Variants in TPCN2 observed in about 807,000 individuals in gnomAD.
TPCN2 encodes two pore segment channel 2.
TPCN2 carries 92 observed loss-of-function variants against 111.4 expected under a neutral mutation model. The ratio of observed to expected loss-of-function variants is 0.83; its 90% CI spans 0.70 to 0.98. The LOEUF is 0.98. TPCN2 is among the 50% of genes least tolerant of loss of function. The pLI, the probability that TPCN2 is intolerant of heterozygous loss-of-function variation, is 0.00. For missense variants in TPCN2, 995 were observed against 980.1 expected (o/e 1.02, Z -0.20); for synonymous variants, 405 against 414.5 (o/e 0.98, Z 0.28).
At chr11:69,068,196 G>GA (rs1178636346) in intron 8 of TPCN2, among the ~76,000 whole-genome samples, 3 of 152,234 alleles carry the variant, frequency 2.0e-5, no homozygotes, top group African/African-American at 7.2e-5. Context: ...CACCCTGGCT[G>GA]GTGCCTTTCA....
In TPCN2 at chr11:69,090,519, A is replaced by G. The variant is rs146508974; in HGVS notation, c.*2566A>G. 12 of 152,306 alleles carry G rather than the reference A, an allele frequency of 7.9e-5. No homozygotes were observed. The highest frequency in any genetic ancestry group is 2.9e-4 in the African/African-American group (12 of 41,554). 9.4% of individuals were successfully genotyped at this position (152,306 alleles called of 1,614,324 possible). On this transcript the variant is annotated 3_prime_UTR_variant, in exon 25 of 25. Transcript: ENST00000294309. ...AGTTGTCACTGTCAGGGCCTTTACA[A>G]TCAGCAACAGCAAAATCTACATGCT... is the stretch of plus-strand genomic sequence containing the variant.
chr11:69,082,220 T>C (rs1230172706), intron 18 of TPCN2, among the ~76,000 whole-genome samples: 2 of 152,194 alleles, frequency 1.3e-5, no homozygotes, highest in African/African-American at 4.8e-5. Context: ...CGCGCACACG[T>C]GTTCACACAT....
Position 69,072,778 on chromosome 11 carries a change from T to A in TPCN2, c.1143+70T>A, listed in dbSNP as rs1590734114. The A allele has an allele frequency of 6.3e-6, 10 of 1,588,144 alleles. No individual in the cohort carries two copies. The East Asian group carries it at 2.2e-4, about 36-fold the overall frequency. The stretch of plus-strand genomic sequence containing the variant: ...GGTCACTTGGGCCAGCAGCCCCTTT[T>A]CAGGACTAGGGGTGTGGCTTCAGGT... On this transcript the variant is annotated intron_variant, in intron 12 of 24. Coordinates refer to ENST00000294309, the MANE Select transcript of TPCN2 (RefSeq NM_139075.4).
chr11:69,083,797 G>A (rs1406133532), intron 18 of TPCN2, 148 bp from the exon 19 acceptor site: 1 of 686,402 alleles, frequency 1.5e-6, no homozygotes, highest in Non-Finnish European at 2.6e-6. Flanking sequence ...GTGTGGGGGT[G>A]GCTGTGGGTC....
chr11:69,070,399 G>A (rs1411076344), intron 8 of TPCN2, 31 bp from the exon 9 acceptor site: 3 of 1,565,972 alleles, frequency 1.9e-6, no homozygotes, highest in Non-Finnish European at 2.6e-6. Flanking sequence ...TACTGAGGTT[G>A]TCAGTTTCTG....
rs1035439826 is a variant in TPCN2 at position 69,086,536 on chromosome 11, T to C, written c.2017T>C (p.Tyr673His). The change falls in exon 23 of 25, where the codon TAT becomes CAT. Residue 673 changes from tyrosine to histidine, a missense_variant. Physicochemically the swap from Tyr to His is moderately conservative, Grantham distance 83. Coordinates refer to ENST00000294309, the MANE Select transcript of TPCN2 (RefSeq NM_139075.4). ...TGTCCTCCGCAGGTGGTCCAAGATC[T>C]ATTTTGTATTGTGGTGGCTGGTGTC... ...RRYSGPWSKI[Y>H]FVLWWLVSSV... 4.3e-6 allele frequency: 7 copies of C among 1,614,042 alleles called. No homozygotes were observed. Among genetic ancestry groups the C allele is most frequent in the Admixed American group, 1.7e-5 (1 of 60,010 alleles).
intron 1 of TPCN2, 33 bp downstream of exon 1, chr11:69,049,139 C>G: frequency 2.5e-6 from 3 of 1,198,680 alleles, no homozygotes; most frequent in Non-Finnish European, 3.2e-6. Flanking sequence ...GGGGACTGGC[C>G]CGGGAGACCA....
At chr11:69,086,053 A>G in intron 22 of TPCN2, 123 bp downstream of exon 22, 1 of 962,782 alleles carries the variant, frequency 1.0e-6, no homozygotes, top group Non-Finnish European at 1.6e-6. Flanking sequence ...TCGGGCCTTG[A>G]CAGGGAAGTC....
At chr11:69,086,061 G>C (rs943663150) in intron 22 of TPCN2, 131 bp downstream of exon 22, 17 of 863,448 alleles carry the variant, frequency 2.0e-5, no homozygotes, top group African/African-American at 3.3e-5. Flanking sequence ...TGACAGGGAA[G>C]TCGGCCAGCG....
rs78465981 is a variant in TPCN2, at chr11:69,053,271, A to C, written c.110-762A>C. ...GCGGGCGGCCACCCTTCACCACAGA[A>C]GGCACCGGCAGAGGCTGGGGGACTC... is the stretch of plus-strand genomic sequence containing the variant. On this transcript the variant is annotated intron_variant, in intron 1 of 24. Coordinates refer to ENST00000294309, the MANE Select transcript of TPCN2 (RefSeq NM_139075.4). Among the ~76,000 whole-genome samples the C allele has an allele frequency of 2.2e-4, 34 of 152,310 alleles. No homozygotes were observed. In the East Asian group the frequency reaches 6.6e-3, roughly 29 times the overall value.
chr11:69,052,016 T>C (rs1861247658), intron 1 of TPCN2, among the ~76,000 whole-genome samples: 2 of 152,242 alleles, frequency 1.3e-5, no homozygotes, highest in South Asian at 4.1e-4. Context: ...CCTTGGGCTG[T>C]TGCAGGGTGA....
In TPCN2 at chr11:69,087,985, G is replaced by A; in HGVS notation, c.*32G>A. The A allele has an allele frequency of 6.3e-7, 1 of 1,582,450 alleles. No homozygotes were observed. The highest frequency in any genetic ancestry group is 8.6e-7 in the Non-Finnish European group (1 of 1,164,484). ...GGCTGCCGTCCCAGCAGGGGCGGCA[G>A]GAGAGAGAGGCTGGCCTACACAGGT... On this transcript the variant is annotated 3_prime_UTR_variant, in exon 25 of 25. Coordinates refer to ENST00000294309, the MANE Select transcript of TPCN2 (RefSeq NM_139075.4).
intron 2 of TPCN2, 52 bp downstream of exon 2, chr11:69,054,149 A>G (rs759145446): frequency 1.3e-6 from 2 of 1,509,302 alleles, no homozygotes; most frequent in Non-Finnish European, 1.8e-6. Context: ...CCGCCCTCCG[A>G]TTGGCTCGCC....
intron 1 of TPCN2, among the ~76,000 whole-genome samples, chr11:69,051,736 C>T (rs11228458): frequency 0.042 from 6,322 of 152,234 alleles, 443 homozygotes; most frequent in African/African-American, 0.14. Flanking sequence ...CAGGGCGGGG[C>T]GAGCTGTCCC....
intron 19 of TPCN2, 98 bp downstream of exon 19, chr11:69,084,114 G>A (rs1856165496): frequency 3.1e-6 from 4 of 1,276,508 alleles, no homozygotes; most frequent in Non-Finnish European, 4.5e-6. Context: ...TGCTCTGTCG[G>A]TAGGAAGGTT....
intron 4 of TPCN2, among the ~76,000 whole-genome samples, 184 bp downstream of exon 4, chr11:69,055,536 C>T (rs1854717600): frequency 6.6e-6 from 1 of 152,242 alleles, no homozygotes; most frequent in African/African-American, 2.4e-5. Flanking sequence ...TATGTCAGCT[C>T]TCCTCCCTCT....
rs1565087327 is a variant in TPCN2, at chr11:69,069,744, ACTGGGAGCAGGACC to A, written c.830-685_830-672del. On this transcript the variant is annotated intron_variant, in intron 8 of 24. Coordinates refer to ENST00000294309, the MANE Select transcript of TPCN2 (RefSeq NM_139075.4). ...CGTCTGAGTCCTAGGAAGTGACCGC[ACTGGGAGCAGGACC>A]GTCTGAGTCCTAGGAAGTGACCGCA... Among the ~76,000 whole-genome samples, 322 of 129,894 alleles carry A rather than the reference ACTGGGAGCAGGACC, an allele frequency of 2.5e-3. 46 individuals carry two copies. The highest frequency in any genetic ancestry group is 5.7e-3 in the South Asian group (20 of 3,490). 85.2% of individuals were successfully genotyped at this position (129,894 alleles called of 152,430 possible). A position where few individuals can be genotyped will look rare whatever the true frequency, so the allele number is the denominator to read the frequency against.
At chr11:69,070,305 CG>C in intron 8 of TPCN2, 124 bp from the exon 9 acceptor site, 1 of 728,654 alleles carries the variant, frequency 1.4e-6, no homozygotes, top group South Asian at 1.5e-5. Context: ...GGATTACAGG[CG>C]TGAGCCACCA....
chr11:69,072,930 G>A lies in TPCN2; in HGVS notation c.1159G>A (p.Gly387Ser), dbSNP rs1475494963. ...TCCTGTGCAGAAGGTGCGTTCCTAT[G>A]GCAGTGTTCTGCTCTCAGCTGAGGA... ...QAMMEKVRSY[G>S]SVLLSAEEFQ... The change falls in exon 13 of 25, where the codon GGC becomes AGC. Residue 387 changes from glycine to serine, a missense_variant. Coordinates refer to ENST00000294309, the MANE Select transcript of TPCN2 (RefSeq NM_139075.4). 1 of 1,613,390 alleles carries A rather than the reference G, an allele frequency of 6.2e-7. No individual in the cohort carries two copies.
Sources: gnomAD v4.1 joint callset for allele counts (sites outside exome capture counted in the v4.1 genomes callset) on GRCh38, gnomAD v4.1.1 for gene constraint, MANE v1.5 for transcripts, NCBI Gene and HGNC (gene_info 2026-07-23, HGNC 2026-07-21) for gene names.